Variants in SYNE1 observed in about 807,000 individuals in gnomAD.
SYNE1 encodes nesprin-1.
SYNE1 carries 616 observed loss-of-function variants against 1,111.0 expected under a neutral mutation model. The ratio of observed to expected loss-of-function variants is 0.55; its 90% CI spans 0.52 to 0.59. The LOEUF (loss-of-function observed/expected upper bound fraction) is 0.59. SYNE1 is among the 20% of genes least tolerant of loss of function. SYNE1 has a pLI of 0.00. For synonymous variants in SYNE1, 3,855 were observed against 3,825.8 expected (o/e 1.01, Z -0.28); for missense variants, 10,006 against 10,417.0 (o/e 0.96, Z 1.72).
intron 3 of SYNE1, among the ~76,000 whole-genome samples, chr6:152,588,840 AG>A (rs2099548784): frequency 6.6e-6 from 1 of 152,174 alleles, no homozygotes; most frequent in East Asian, 1.9e-4. Flanking sequence ...GGTCCCTGGG[AG>A]GGCACCCAGC....
At chr6:152,611,897 G>A (rs992684461) in intron 3 of SYNE1, among the ~76,000 whole-genome samples, 68 of 151,908 alleles carry the variant, frequency 4.5e-4, no homozygotes, top group Non-Finnish European at 6.8e-4. Flanking sequence ...CTGAATGACT[G>A]CTGGGTAAAT....
At chr6:152,218,198 A>G in intron 121 of SYNE1, 59 bp downstream of exon 121, 1 of 1,606,904 alleles carries the variant, frequency 6.2e-7, no homozygotes, top group Non-Finnish European at 8.5e-7. Context: ...TCTCAAAAAA[A>G]AAAAGATTTT....
chr6:152,364,683 AAGG>A (rs1472894452), intron 63 of SYNE1, among the ~76,000 whole-genome samples, 161 bp downstream of exon 63: 11 of 119,396 alleles, frequency 9.2e-5, no homozygotes, highest in East Asian at 2.3e-4. Context: ...AGGAAGGAGG[AAGG>A]AGGAAGGAAG....
Position 152,447,536 on chromosome 6 carries a change from C to A in SYNE1, c.3591G>T (p.Glu1197Asp), listed in dbSNP as rs1171762804. 2 of 1,614,108 alleles carry A rather than the reference C, an allele frequency of 1.2e-6. No individual in the cohort carries two copies. Among genetic ancestry groups the A allele is most frequent in the Non-Finnish European group, 1.7e-6 (2 of 1,180,046 alleles). ...CATCTCCCTGCTTTTGGGCTTCATT[C>A]TCAGAAGAAACTTCTGTCAAAACTT... Reference protein sequence around the residue: ...RLKVLTEVSSENEAQKQGDEL... With the variant: ...RLKVLTEVSSDNEAQKQGDEL... Residue 1197 changes from glutamate (E) to aspartate (D), a missense_variant, in exon 29 of 146, where the codon GAG becomes GAT. This residue lies in a region of SYNE1 where 1,971 missense variants were observed against 2,084.1 expected (regional missense o/e 0.95). Transcript: ENST00000367255.
At chr6:152,530,468 GTTTT>G (rs71017540) in intron 4 of SYNE1, among the ~76,000 whole-genome samples, 2,111 of 137,392 alleles carry the variant, frequency 0.015, 59 homozygotes, top group East Asian at 0.14. Flanking sequence ...TAATTGTATG[GTTTT>G]TTTTTTTTTT....
At position 152,449,583 on chromosome 6, in the gene SYNE1, C is replaced by T. The variant is rs749547744; in HGVS notation, c.3454G>A (p.Gly1152Ser). The T allele has an allele frequency of 1.7e-5, 27 of 1,613,946 alleles. No homozygotes were observed. Among genetic ancestry groups the T allele is most frequent in the Non-Finnish European group, 2.2e-5 (26 of 1,180,004 alleles). The change falls in exon 28 of 146, where the codon GGT becomes AGT. Residue 1152 changes from glycine (G) to serine (S), a missense_variant. Physicochemically the swap from Gly to Ser is moderately conservative, Grantham distance 56. Around this residue, in one of 7 missense-constraint regions of SYNE1, gnomAD observed 1,971 missense variants for 2,084.1 expected, o/e 0.95. Transcript: ENST00000367255. ...TNETQLKGIK[G>S]EAIDTANHGE... ...TGGTTGGCAGTATCGATGGCCTCAC[C>T]CTTGATCCCCTTTAATTGTGTCTCA...
intron 3 of SYNE1, among the ~76,000 whole-genome samples, chr6:152,552,200 T>C (rs1004233644): frequency 6.6e-6 from 1 of 152,164 alleles, no homozygotes; most frequent in Non-Finnish European, 1.5e-5. Flanking sequence ...TCCAGACTTT[T>C]AAAAAACCCA....
At chr6:152,490,047 C>A (rs889876914) in intron 11 of SYNE1, among the ~76,000 whole-genome samples, 5 of 152,082 alleles carry the variant, frequency 3.3e-5, no homozygotes, top group Admixed American at 6.6e-5. Flanking sequence ...TTCTTAGATT[C>A]AATCAATAGC....
intron 61 of SYNE1, chr6:152,368,025 A>C (rs2097111042): frequency 6.5e-6 from 1 of 154,876 alleles, no homozygotes; most frequent in African/African-American, 2.4e-5. Context: ...TTTTATAAAA[A>C]CATCCAAAAT....
intron 3 of SYNE1, among the ~76,000 whole-genome samples, chr6:152,626,785 T>C (rs2099686705): frequency 6.6e-6 from 1 of 152,176 alleles, no homozygotes; most frequent in Non-Finnish European, 1.5e-5. Context: ...GTTGGTGATC[T>C]CTGGACAGAC....
chr6:152,502,760 A>G lies in SYNE1; in HGVS notation c.779-18T>C. ...ATCAACGTCTGAAAAAACAAAAAAGAAATGTGAATAAACTAATTAGCATTC... is the reference window on the plus strand; with the variant it reads ...ATCAACGTCTGAAAAAACAAAAAAGGAATGTGAATAAACTAATTAGCATTC... On this transcript the variant is annotated intron_variant, in intron 9 of 145. Transcript: ENST00000367255. The G allele has an allele frequency of 6.5e-7, 1 of 1,536,460 alleles. No individual in the cohort carries two copies. Among genetic ancestry groups the G allele is most frequent in the Non-Finnish European group, 9.0e-7 (1 of 1,110,462 alleles).
At chr6:152,242,562 C>G in intron 106 of SYNE1, 122 bp from the exon 107 acceptor site, 10 of 973,330 alleles carry the variant, frequency 1.0e-5, no homozygotes, top group Non-Finnish European at 1.4e-5. Flanking sequence ...AGGGATGTGC[C>G]TCCTGGAAAC....
Position 152,488,445 on chromosome 6 carries a change from T to C in SYNE1, c.998A>G (p.Asp333Gly), listed in dbSNP as rs2154300492. Residue 333 changes from aspartate to glycine, a missense_variant, in exon 12 of 146, where the codon GAT (aspartate) becomes GGT (glycine). Around this residue, in one of 7 missense-constraint regions of SYNE1, gnomAD observed 1,971 missense variants for 2,084.1 expected, o/e 0.95. Coordinates refer to ENST00000367255, the MANE Select transcript of SYNE1 (RefSeq NM_182961.4). ...TTCCACCATCTGTGCTCTTGTCAAATCTCTCTCAAATTGTTCTATCCAAAC... is the reference window on the plus strand; with the variant it reads ...TTCCACCATCTGTGCTCTTGTCAAACCTCTCTCAAATTGTTCTATCCAAAC... ...MKVWIEQFER[D>G]LTRAQMVESN... The C allele has an allele frequency of 6.2e-7, 1 of 1,609,880 alleles. No homozygotes were observed. The highest frequency in any genetic ancestry group is 8.5e-7 in the Non-Finnish European group (1 of 1,177,316).
At chr6:152,363,442 C>T (rs775354104) in intron 63 of SYNE1, among the ~76,000 whole-genome samples, 5 of 150,422 alleles carry the variant, frequency 3.3e-5, no homozygotes, top group South Asian at 4.2e-4. Context: ...CGCAGTGAGC[C>T]GAGATCGTGC....
At chr6:152,407,832 G>T (rs1209974477) in intron 44 of SYNE1, among the ~76,000 whole-genome samples, 1 of 148,632 alleles carries the variant, frequency 6.7e-6, no homozygotes, top group Non-Finnish European at 1.5e-5. Flanking sequence ...TGCGATCTCA[G>T]CTCACTGCAA....
chr6:152,455,349 C>T (rs2098688419), intron 24 of SYNE1, 77 bp downstream of exon 24: 1 of 1,500,712 alleles, frequency 6.7e-7, no homozygotes, highest in African/African-American at 1.4e-5. Context: ...ATCAGATCAG[C>T]ATGCCTTTTT....
chr6:152,205,904 A>G (rs2076414732), intron 126 of SYNE1, among the ~76,000 whole-genome samples: 1 of 152,246 alleles, frequency 6.6e-6, no homozygotes, highest in African/African-American at 2.4e-5. Context: ...CATACTGGTC[A>G]TTAATCAGAA....
intron 11 of SYNE1, among the ~76,000 whole-genome samples, chr6:152,493,396 A>G (rs1253447577): frequency 1.3e-5 from 2 of 151,872 alleles, no homozygotes; most frequent in Non-Finnish European, 2.9e-5. Flanking sequence ...CCTTCATCCC[A>G]GCCTCTCTTC....
At chr6:152,182,106 T>C (rs572584327) in intron 128 of SYNE1, among the ~76,000 whole-genome samples, 2 of 152,360 alleles carry the variant, frequency 1.3e-5, no homozygotes, top group East Asian at 1.9e-4. Context: ...ATTGCCTTTT[T>C]ATTACTGAGT....
Sources: allele counts gnomAD v4.1 joint callset (sites outside exome capture counted in the v4.1 genomes callset), GRCh38; gene constraint gnomAD v4.1.1; regional missense constraint gnomAD v4.1.1; transcripts MANE v1.5; gene names NCBI Gene and HGNC (gene_info 2026-07-23, HGNC 2026-07-21).